AKAP11: variants seen among roughly 807,000 people sequenced by gnomAD.
AKAP11 encodes the protein A-kinase anchor protein 11.
AKAP11 carries 36 observed loss-of-function variants against 146.1 expected under a neutral mutation model. The observed-to-expected ratio is 0.25, with a 90% CI of 0.19 to 0.33. AKAP11 has a LOEUF of 0.33. Ranked by LOEUF, AKAP11 falls within the 10% of genes least tolerant of loss-of-function variation. The probability of loss-of-function intolerance (pLI) is 1.00; values close to 1 mark genes in which losing one functional copy is unlikely to be tolerated. For missense variants in AKAP11, 2,201 were observed against 2,197.0 expected (o/e 1.00, Z -0.04); for synonymous variants, 780 against 786.5 (o/e 0.99, Z 0.14).
rs990337384 is a variant in AKAP11 at position 42,298,685 on chromosome 13, C to G, written c.504C>G (p.Thr168=). 13 of 1,611,500 alleles carry G rather than the reference C, an allele frequency of 8.1e-6. No individual in the cohort carries two copies. Among genetic ancestry groups the G allele is most frequent in the Non-Finnish European group, 1.1e-5 (13 of 1,179,138 alleles). The change falls in exon 7 of 13, where the codon ACC becomes ACG. Residue 168 remains threonine, a synonymous_variant. Coordinates refer to ENST00000025301, the MANE Select transcript of AKAP11 (RefSeq NM_016248.4). ...TFLHQKHQLE[T]TDEDDDDTNQ... is the part of the protein sequence containing the mutation. ...TGCATCAGAAGCACCAACTTGAGAC[C>G]ACTGATGAAGATGATGATGATACTA... is the stretch of plus-strand genomic sequence containing the variant.
chr13:42,304,065 G>T (rs1422489245), intron 8 of AKAP11, among the ~76,000 whole-genome samples: 1 of 152,124 alleles, frequency 6.6e-6, no homozygotes, highest in East Asian at 1.9e-4. Flanking sequence ...TTGAGGGAAG[G>T]TGTTATCCAT....
chr13:42,305,142 A>G (rs1317773726), intron 8 of AKAP11, among the ~76,000 whole-genome samples: 1 of 152,232 alleles, frequency 6.6e-6, no homozygotes, highest in Non-Finnish European at 1.5e-5. Context: ...AACTTGTGTT[A>G]TTAGTTGATA....
In AKAP11 at chr13:42,284,762, AC is replaced by A. The variant is rs562786675; in HGVS notation, c.-99-1223del. Among the ~76,000 whole-genome samples the A allele has an allele frequency of 3.9e-5, 6 of 152,358 alleles. No homozygotes were observed. In the South Asian group the frequency reaches 1.2e-3, roughly 32 times the overall value. ...AGACATTGCAGTTTACCCAGAGGAAACAAAGCTAATAAGAGGCAGCACAGGG... is the reference window on the plus strand; with the variant it reads ...AGACATTGCAGTTTACCCAGAGGAAAAAAGCTAATAAGAGGCAGCACAGGG... On this transcript the variant is annotated intron_variant, in intron 1 of 12. Coordinates refer to ENST00000025301, the MANE Select transcript of AKAP11 (RefSeq NM_016248.4).
In AKAP11 at chr13:42,302,903, C is replaced by G; in HGVS notation, c.4157C>G (p.Thr1386Arg). Residue 1386 changes from threonine to arginine, a missense_variant, in exon 8 of 13, where the codon ACA (threonine) becomes AGA (arginine). By Grantham distance (71) the Thr-to-Arg change is moderately conservative (BLOSUM62 -1). Coordinates refer to ENST00000025301, the MANE Select transcript of AKAP11 (RefSeq NM_016248.4). Reference sequence around the variant, plus strand: ...TCAGGATTACAGGAAGCAGCTAAGACAACCAAAGTGCAGTGCAACTCAAGA... The same window carrying G: ...TCAGGATTACAGGAAGCAGCTAAGAGAACCAAAGTGCAGTGCAACTCAAGA... ...VKSGLQEAAK[T>R]TKVQCNSRMF... The G allele has an allele frequency of 1.2e-6, 2 of 1,613,884 alleles. No homozygotes were observed. The highest frequency in any genetic ancestry group is 1.7e-6 in the Non-Finnish European group (2 of 1,179,968).
In AKAP11 at chr13:42,298,789, A is replaced by G. The variant is rs1349638649; in HGVS notation, c.608A>G (p.Tyr203Cys). ...GAAGAGGAAGAGACTTCAAAGCCAT[A>G]CAATGATGGTTTGTTTTTCATTAGA... The part of the protein sequence containing the change: ...HLEEEETSKP[Y>C]NDGMNITVLR... The change falls in exon 7 of 13, where the codon TAC becomes TGC. Residue 203 changes from tyrosine (Y) to cysteine (C), a missense_variant. Tyr to Cys is a radical substitution (Grantham distance 194). Coordinates refer to ENST00000025301, the MANE Select transcript of AKAP11 (RefSeq NM_016248.4). 1.3e-6 allele frequency: 2 copies of G among 1,552,666 alleles called. No individual in the cohort carries two copies. Among genetic ancestry groups the G allele is most frequent in the Non-Finnish European group, 1.7e-6 (2 of 1,161,408 alleles).
intron 1 of AKAP11, among the ~76,000 whole-genome samples, chr13:42,274,476 G>C (rs1958865044): frequency 6.6e-6 from 1 of 152,070 alleles, no homozygotes; most frequent in South Asian, 2.1e-4. Context: ...TTGAGACCAG[G>C]AGTTCAAGAC....
chr13:42,307,623 G>T (rs959323585), intron 8 of AKAP11, among the ~76,000 whole-genome samples: 5 of 152,046 alleles, frequency 3.3e-5, no homozygotes, highest in Non-Finnish European at 5.9e-5. Context: ...GACTGTGCAT[G>T]TTTGGGAAAC....
chr13:42,289,984 T>G (rs1220712936), intron 3 of AKAP11, among the ~76,000 whole-genome samples: 2 of 152,138 alleles, frequency 1.3e-5, no homozygotes, highest in Non-Finnish European at 2.9e-5. Flanking sequence ...CATTACCACC[T>G]CTTTGAAAAT....
chr13:42,297,324 T>C (rs1169234751), intron 6 of AKAP11, 142 bp downstream of exon 6: 6 of 596,202 alleles, frequency 1.0e-5, no homozygotes, highest in Non-Finnish European at 1.6e-5. Context: ...ATAAGAAATA[T>C]AACTCATGAA....
At position 42,299,600 on chromosome 13, in the gene AKAP11, C is replaced by G. The variant is rs746079277; in HGVS notation, c.854C>G (p.Ser285Cys). Reference sequence around the variant, plus strand: ...ACCCAAAGGAGTTTCTATAGGTCATCTAATGCTTCAGATAAAGATAGTGAT... The same window carrying G: ...ACCCAAAGGAGTTTCTATAGGTCATGTAATGCTTCAGATAAAGATAGTGAT... ...PWTQRSFYRS[S>C]NASDKDSDLQ... Residue 285 changes from serine to cysteine, a missense_variant, in exon 8 of 13, where the codon TCT becomes TGT. By Grantham distance (112) the Ser-to-Cys change is moderately radical. This residue lies in a region of AKAP11 where 331 missense variants were observed against 347.4 expected (regional missense o/e 0.95). Coordinates refer to ENST00000025301, the MANE Select transcript of AKAP11 (RefSeq NM_016248.4). 1.5e-5 allele frequency: 24 copies of G among 1,613,894 alleles called. No individual in the cohort carries two copies. Among genetic ancestry groups the G allele is most frequent in the Non-Finnish European group, 2.0e-5 (24 of 1,179,902 alleles).
chr13:42,301,552 G>A lies in AKAP11; in HGVS notation c.2806G>A (p.Asp936Asn), dbSNP rs376033951. 1.2e-6 allele frequency: 2 copies of A among 1,613,972 alleles called. No individual in the cohort carries two copies. The highest frequency in any genetic ancestry group is 2.7e-5 in the African/African-American group (2 of 74,914). ...ATGCAGTGAAGCTAGTAGCAATAAG[G>A]ACATGTTTGCTGACCGGTTATCTAA... Reference protein sequence around the residue: ...LQCSEASSNKDMFADRLSKSI... With the variant: ...LQCSEASSNKNMFADRLSKSI... The change falls in exon 8 of 13, where the codon GAC becomes AAC. Residue 936 changes from aspartate to asparagine, a missense_variant. By Grantham distance (23) the Asp-to-Asn change is conservative. Transcript: ENST00000025301.
rs544290234 is a variant in AKAP11 at position 42,287,883 on chromosome 13, C to T, written c.51+1484C>T. 1.4e-3 allele frequency among the ~76,000 whole-genome samples: 207 copies of T among 152,186 alleles called. 1 individual carries two copies. The highest frequency in any genetic ancestry group is 4.5e-3 in the African/African-American group (187 of 41,528). Reference sequence around the variant, plus strand: ...ACTTGAATATTTACCCCATACATTGCCAGAGATTCAGGGATTAGACAGCAG... The same window carrying T: ...ACTTGAATATTTACCCCATACATTGTCAGAGATTCAGGGATTAGACAGCAG... On this transcript the variant is annotated intron_variant, in intron 3 of 12. Transcript: ENST00000025301.
At chr13:42,280,648 T>G (rs1439483562) in intron 1 of AKAP11, among the ~76,000 whole-genome samples, 1 of 152,198 alleles carries the variant, frequency 6.6e-6, no homozygotes, top group Non-Finnish European at 1.5e-5. Context: ...GAGGGAAGTA[T>G]GCAAACAGTG....
chr13:42,306,703 A>T (rs1478077749), intron 8 of AKAP11, among the ~76,000 whole-genome samples: 1 of 152,236 alleles, frequency 6.6e-6, no homozygotes, highest in Non-Finnish European at 1.5e-5. Context: ...CAGATGGATT[A>T]TTCTTTAAGG....
chr13:42,286,865 T>C (rs1959170818), intron 3 of AKAP11, among the ~76,000 whole-genome samples: 1 of 152,230 alleles, frequency 6.6e-6, no homozygotes, highest in African/African-American at 2.4e-5. Context: ...TAAAACAATT[T>C]GGTTAACCTT....
intron 6 of AKAP11, 58 bp from the exon 7 acceptor site, chr13:42,298,475 T>A: frequency 6.4e-7 from 1 of 1,556,222 alleles, no homozygotes; most frequent in Non-Finnish European, 8.7e-7. Context: ...AGGCTTTACT[T>A]CATGTTGTTT....
rs1566297411 is a variant in AKAP11, at chr13:42,319,257, ATTTG to A, written c.*34_*37del. 1 of 1,603,260 alleles carries A rather than the reference ATTTG, an allele frequency of 6.2e-7. No homozygotes were observed. ...AAACCCCAAACCAGTATATTTTAGT[ATTTG>A]TTTGGGGAGGGGAACAAGCCAATAA... On this transcript the variant is annotated 3_prime_UTR_variant, in exon 13 of 13. Transcript: ENST00000025301.
intron 8 of AKAP11, among the ~76,000 whole-genome samples, chr13:42,305,523 T>C (rs1050663533): frequency 2.0e-5 from 3 of 152,196 alleles, no homozygotes; most frequent in African/African-American, 7.2e-5. Context: ...ATTTCATGTT[T>C]TTTTTTAATG....
intron 6 of AKAP11, among the ~76,000 whole-genome samples, chr13:42,297,946 T>G (rs1959612984): frequency 1.3e-5 from 2 of 152,072 alleles, no homozygotes; most frequent in Admixed American, 6.6e-5. Flanking sequence ...ATTTCTAGTT[T>G]TTTGAATAAA....
Sources: gnomAD v4.1 joint callset for allele counts (sites outside exome capture counted in the v4.1 genomes callset) on GRCh38, gnomAD v4.1.1 for gene constraint, gnomAD v4.1.1 regional missense constraint, MANE v1.5 for transcripts, NCBI Gene and HGNC (gene_info 2026-07-23, HGNC 2026-07-21) for gene names.